Variants in PACRG observed in about 807,000 individuals in gnomAD.
PACRG encodes the protein parkin coregulated gene protein.
Under a neutral mutation model 29.7 loss-of-function variants are expected in PACRG, and 29 were observed. That is an observed-to-expected ratio of 0.98 (90% CI 0.73 to 1.33). The LOEUF (loss-of-function observed/expected upper bound fraction) is 1.33, where lower values mean the gene tolerates loss of function less well. PACRG is among the 40% of genes most tolerant of loss of function. The pLI, the probability that PACRG is intolerant of heterozygous loss-of-function variation, is 0.00. For missense variants in PACRG, 279 were observed against 316.2 expected (o/e 0.88, Z 0.89); for synonymous variants, 116 against 118.7 (o/e 0.98, Z 0.15).
chr6:162,735,978 A>G (rs1374207118), intron 1 of PACRG, among the ~76,000 whole-genome samples: 2 of 152,234 alleles, frequency 1.3e-5, no homozygotes, highest in African/African-American at 2.4e-5. Context: ...CAATTTTGTC[A>G]TTCATAAGAG....
intron 2 of PACRG, among the ~76,000 whole-genome samples, chr6:163,046,200 C>G (rs1339769462): frequency 6.6e-6 from 1 of 150,808 alleles, no homozygotes; most frequent in Non-Finnish European, 1.5e-5. Context: ...TATCCTCTGC[C>G]CAGAACACTC....
chr6:163,122,931 G>T (rs777539292), intron 4 of PACRG, among the ~76,000 whole-genome samples: 45 of 152,188 alleles, frequency 3.0e-4, no homozygotes, highest in Non-Finnish European at 5.0e-4. Flanking sequence ...TACTGATACA[G>T]CTCCGAAGAC....
chr6:163,138,396 A>G (rs913204431), intron 4 of PACRG, among the ~76,000 whole-genome samples: 6 of 152,126 alleles, frequency 3.9e-5, no homozygotes, highest in Non-Finnish European at 7.4e-5. Flanking sequence ...CTAGAATGGT[A>G]ATTAACTCGA....
intron 2 of PACRG, among the ~76,000 whole-genome samples, chr6:162,838,184 C>T (rs1202986438): frequency 6.6e-6 from 1 of 152,032 alleles, no homozygotes; most frequent in Non-Finnish European, 1.5e-5. Flanking sequence ...TGCCAACTGC[C>T]GTAGAAAATA....
intron 2 of PACRG, among the ~76,000 whole-genome samples, chr6:162,994,924 G>A (rs1247255247): frequency 3.4e-5 from 5 of 148,020 alleles, no homozygotes; most frequent in African/African-American, 5.1e-5. Context: ...TTTTCGGTGT[G>A]GATGTCCTTT....
intron 2 of PACRG, among the ~76,000 whole-genome samples, chr6:162,941,581 T>C (rs984266777): frequency 3.3e-5 from 5 of 152,214 alleles, no homozygotes; most frequent in African/African-American, 9.6e-5. Context: ...GTGATTTTAC[T>C]GTCATTGTTG....
intron 3 of PACRG, among the ~76,000 whole-genome samples, chr6:163,067,064 T>C (rs1811608493): frequency 6.6e-6 from 1 of 152,246 alleles, no homozygotes; most frequent in Non-Finnish European, 1.5e-5. Context: ...AAAAGATCCC[T>C]GTCCTTCCTC....
At chr6:162,958,881 A>AT (rs1800345127) in intron 2 of PACRG, among the ~76,000 whole-genome samples, 1 of 16,846 alleles carries the variant, frequency 5.9e-5, no homozygotes, top group Non-Finnish European at 1.1e-4. Flanking sequence ...ATATATATAT[A>AT]TATAGAGAGA....
chr6:162,933,601 CTTTTT>C (rs71008119), intron 2 of PACRG, among the ~76,000 whole-genome samples: 9 of 74,606 alleles, frequency 1.2e-4, no homozygotes, highest in African/African-American at 1.7e-4. Flanking sequence ...CTTTCTGTAT[CTTTTT>C]TTTTTTTTTT....
chr6:163,031,990 T>G (rs1356072763), intron 2 of PACRG, among the ~76,000 whole-genome samples: 1 of 152,234 alleles, frequency 6.6e-6, no homozygotes, highest in African/African-American at 2.4e-5. Context: ...ATAACCAGTT[T>G]CTCCAATTGT....
chr6:163,096,784 C>A (rs1814630473), intron 4 of PACRG, among the ~76,000 whole-genome samples: 1 of 151,704 alleles, frequency 6.6e-6, no homozygotes, highest in African/African-American at 2.4e-5. Context: ...TGGAGAGAAC[C>A]AAATACATGT....
At chr6:163,151,900 T>A (rs1778109615) in intron 4 of PACRG, among the ~76,000 whole-genome samples, 2 of 152,230 alleles carry the variant, frequency 1.3e-5, no homozygotes, top group Admixed American at 1.3e-4. Flanking sequence ...GCTTAGAAGA[T>A]CCTATTTATA....
Position 162,883,684 on chromosome 6 carries a change from CTG to C in PACRG, c.291+69433_291+69434del, listed in dbSNP as rs144543802. On this transcript the variant is annotated intron_variant, in intron 2 of 4. Coordinates refer to ENST00000366888, the MANE Select transcript of PACRG (RefSeq NM_001080379.2). ...AAGGCATCAAACGATTTTTCAAAAA[CTG>C]TGTGTGTGTGTGTGTGTGTGTGTGT... Among the ~76,000 whole-genome samples the C allele has an allele frequency of 1.6e-3, 235 of 145,788 alleles. 1 individual carries two copies. Among genetic ancestry groups the C allele is most frequent in the African/African-American group, 2.2e-3 (86 of 39,390 alleles).
intron 4 of PACRG, among the ~76,000 whole-genome samples, chr6:163,114,926 T>C (rs1419051063): frequency 6.6e-6 from 1 of 151,918 alleles, no homozygotes; most frequent in East Asian, 1.9e-4. Context: ...ATGATAATCA[T>C]TTCACAATGT....
chr6:163,209,440 A>T (rs1781045489), intron 4 of PACRG, among the ~76,000 whole-genome samples: 1 of 152,210 alleles, frequency 6.6e-6, no homozygotes, highest in Non-Finnish European at 1.5e-5. Flanking sequence ...TAAATCTATA[A>T]TTAAAAGAAA....
At chr6:162,856,165 C>T (rs2128434079) in intron 2 of PACRG, among the ~76,000 whole-genome samples, 1 of 152,166 alleles carries the variant, frequency 6.6e-6, no homozygotes, top group East Asian at 1.9e-4. Flanking sequence ...CAAAAGAGAT[C>T]CTCCCACCTC....
chr6:163,218,567 T>C (rs1224128670), intron 4 of PACRG, among the ~76,000 whole-genome samples: 1 of 152,146 alleles, frequency 6.6e-6, no homozygotes, highest in Non-Finnish European at 1.5e-5. Context: ...AAATGCCTCA[T>C]GTCAGGGCCC....
intron 4 of PACRG, among the ~76,000 whole-genome samples, chr6:163,249,999 C>T (rs988780495): frequency 6.6e-6 from 1 of 152,314 alleles, no homozygotes; most frequent in Non-Finnish European, 1.5e-5. Context: ...ATGTCCATGG[C>T]AAACTCTCTG....
intron 2 of PACRG, among the ~76,000 whole-genome samples, chr6:162,910,497 C>A (rs1796231158): frequency 6.6e-6 from 1 of 152,010 alleles, no homozygotes; most frequent in Non-Finnish European, 1.5e-5. Flanking sequence ...ATTGTTTATA[C>A]CTTCAGATAG....
Sources: gnomAD v4.1 joint callset for allele counts (sites outside exome capture counted in the v4.1 genomes callset) on GRCh38, gnomAD v4.1.1 for gene constraint, MANE v1.5 for transcripts, NCBI Gene and HGNC (gene_info 2026-07-23, HGNC 2026-07-21) for gene names.